The following MRPS28 variants were observed in gnomAD, a reference collection of about 807,000 sequenced individuals.
The protein encoded by MRPS28 is mitochondrial ribosomal protein S28.
Under a neutral mutation model 10.8 loss-of-function variants are expected in MRPS28, and 7 were observed. That is an observed-to-expected ratio of 0.65 (90% CI 0.37 to 1.22). The LOEUF (loss-of-function observed/expected upper bound fraction) is 1.22. Ranked by LOEUF, MRPS28 falls within the 50% of genes most tolerant of loss-of-function variation. The probability of loss-of-function intolerance (pLI) is 0.02; values close to 1 mark genes in which losing one functional copy is unlikely to be tolerated. For synonymous variants in MRPS28, 121 were observed against 93.3 expected (o/e 1.30, Z -1.71); for missense variants, 265 against 232.9 (o/e 1.14, Z -0.90).
chr8:80,025,126 G>A (rs1160306097), intron 1 of MRPS28, among the ~76,000 whole-genome samples: 1 of 152,140 alleles, frequency 6.6e-6, no homozygotes, highest in Non-Finnish European at 1.5e-5. Flanking sequence ...TATATATAGT[G>A]TAAATGTAGT....
At chr8:79,978,549 CTG>C (rs1211430474) in intron 2 of MRPS28, among the ~76,000 whole-genome samples, 1 of 152,120 alleles carries the variant, frequency 6.6e-6, no homozygotes, top group African/African-American at 2.4e-5. Flanking sequence ...TGTCTAAAAA[CTG>C]TGGATAATGT....
intron 2 of MRPS28, chr8:79,958,280 C>T (rs1807280768): frequency 7.7e-6 from 5 of 650,604 alleles, no homozygotes; most frequent in African/African-American, 3.7e-5. Flanking sequence ...TTGTGAATGG[C>T]TTCTTTCATT....
intron 1 of MRPS28, among the ~76,000 whole-genome samples, chr8:80,011,276 T>C (rs1189541490): frequency 6.6e-6 from 1 of 151,996 alleles, no homozygotes; most frequent in Non-Finnish European, 1.5e-5. Flanking sequence ...AGTATCAACT[T>C]GGGGGTCTCT....
intron 2 of MRPS28, among the ~76,000 whole-genome samples, chr8:79,967,818 G>A (rs998852778): frequency 2.0e-5 from 3 of 152,018 alleles, no homozygotes; most frequent in African/African-American, 7.2e-5. Context: ...AGAAGCTGAC[G>A]GGTCACATCT....
intron 2 of MRPS28, among the ~76,000 whole-genome samples, chr8:79,982,915 G>A (rs1345851810): frequency 1.3e-4 from 19 of 146,526 alleles, no homozygotes; most frequent in African/African-American, 4.1e-4. Context: ...GAGAGCAGTG[G>A]TTCTCCCAGC....
chr8:79,947,296 T>A (rs1405257522), intron 2 of MRPS28, among the ~76,000 whole-genome samples: 1 of 152,240 alleles, frequency 6.6e-6, no homozygotes. Context: ...TATAGTGGCA[T>A]CTTTCCATAT....
intron 1 of MRPS28, chr8:80,028,658 C>CGGGGGGGGGGG (rs572814570): frequency 1.5e-4 from 1 of 6,458 alleles, no homozygotes; most frequent in Non-Finnish European, 3.8e-4. Flanking sequence ...GCGGGGGGGG[C>CGGGGGGGGGGG]GGGGCCGGGC....
intron 2 of MRPS28, among the ~76,000 whole-genome samples, chr8:79,932,901 T>C (rs58300165): frequency 0.043 from 6,488 of 152,196 alleles, 372 homozygotes; most frequent in African/African-American, 0.13. Flanking sequence ...TAACAAACAG[T>C]TCATTCAGGA....
chr8:80,028,090 T>A (rs1348052644), intron 1 of MRPS28, among the ~76,000 whole-genome samples: 1 of 152,186 alleles, frequency 6.6e-6, no homozygotes, highest in East Asian at 1.9e-4. Flanking sequence ...CCTTGGTTGT[T>A]TCCTTCATTA....
intron 2 of MRPS28, among the ~76,000 whole-genome samples, chr8:80,000,527 G>A (rs1372654346): frequency 6.6e-6 from 1 of 152,170 alleles, no homozygotes; most frequent in Non-Finnish European, 1.5e-5. Flanking sequence ...AACAGACAGA[G>A]ATGGAGGTTT....
At chr8:80,017,840 G>C (rs887959646) in intron 1 of MRPS28, among the ~76,000 whole-genome samples, 4 of 152,060 alleles carry the variant, frequency 2.6e-5, no homozygotes, top group African/African-American at 9.7e-5. Flanking sequence ...ATCCTCAACA[G>C]AATATTAGCA....
intron 2 of MRPS28, among the ~76,000 whole-genome samples, chr8:79,947,239 C>T (rs1175116752): frequency 6.6e-6 from 1 of 152,036 alleles, no homozygotes; most frequent in Non-Finnish European, 1.5e-5. Flanking sequence ...AAAATATGTG[C>T]GAGAGCTTCA....
chr8:79,958,293 G>T, intron 2 of MRPS28: 1 of 660,138 alleles, frequency 1.5e-6, no homozygotes, highest in Non-Finnish European at 2.7e-6. Context: ...CTTTCATTTG[G>T]CATAATGTTT....
rs376407327 is a variant in MRPS28, at chr8:79,932,286, T to C, written c.396-13138A>G. On this transcript the variant is annotated intron_variant, in intron 2 of 2. Coordinates refer to ENST00000276585, the MANE Select transcript of MRPS28 (RefSeq NM_014018.3). The stretch of plus-strand genomic sequence containing the variant: ...TGTACAGAAAATAAAAATAAAGTGA[T>C]ATGTTAGAGAGGACTAGGGAACAAC... Among the ~76,000 whole-genome samples the C allele has an allele frequency of 3.9e-5, 6 of 152,140 alleles. 1 individual carries two copies. The highest frequency in any genetic ancestry group is 6.5e-5 in the Admixed American group (1 of 15,288).
chr8:80,008,808 C>T (rs537112178), intron 1 of MRPS28, among the ~76,000 whole-genome samples: 2 of 152,286 alleles, frequency 1.3e-5, no homozygotes, highest in East Asian at 1.9e-4. Flanking sequence ...GAAATAGGAA[C>T]ACTTTTACAC....
intron 2 of MRPS28, among the ~76,000 whole-genome samples, chr8:79,966,610 C>T (rs1053700175): frequency 6.6e-6 from 1 of 151,858 alleles, no homozygotes; most frequent in African/African-American, 2.4e-5. Context: ...ATCTAGAAAA[C>T]GGTATGAAAA....
chr8:79,992,574 T>C lies in MRPS28; in HGVS notation c.395+10425A>G, dbSNP rs115003945. Among the ~76,000 whole-genome samples, 975 of 152,362 alleles carry C rather than the reference T, an allele frequency of 6.4e-3. 6 individuals carry two copies. Among genetic ancestry groups the C allele is most frequent in the African/African-American group, 0.023 (936 of 41,582 alleles). On this transcript the variant is annotated intron_variant, in intron 2 of 2. Transcript: ENST00000276585. The stretch of plus-strand genomic sequence containing the variant: ...TCTGTGTTACTGTGCTATACGTTTA[T>C]ATCTTTCCTCCTAAAGATGAAGATG...
At chr8:80,016,856 A>G (rs1451726282) in intron 1 of MRPS28, among the ~76,000 whole-genome samples, 1 of 152,212 alleles carries the variant, frequency 6.6e-6, no homozygotes, top group Non-Finnish European at 1.5e-5. Context: ...TTACAGTTGG[A>G]GACTTTAATG....
At chr8:79,999,886 A>C (rs1808614076) in intron 2 of MRPS28, among the ~76,000 whole-genome samples, 1 of 152,052 alleles carries the variant, frequency 6.6e-6, no homozygotes, top group Admixed American at 6.6e-5. Context: ...AGTCACTTTG[A>C]TGACATTTCA....
Sources: gnomAD v4.1 joint callset for allele counts (sites outside exome capture counted in the v4.1 genomes callset) on GRCh38, gnomAD v4.1.1 for gene constraint, MANE v1.5 for transcripts, NCBI Gene and HGNC (gene_info 2026-07-23, HGNC 2026-07-21) for gene names.